The following NLGN1 variants were observed in gnomAD, a reference collection of about 807,000 sequenced individuals.
NLGN1 encodes neuroligin 1, also known as neuroligin-1.
Under a neutral mutation model 65.5 loss-of-function variants are expected in NLGN1, and 12 were observed. The observed-to-expected ratio is 0.18, with a 90% CI of 0.12 to 0.30. NLGN1 has a LOEUF of 0.30. Among genes scored for constraint, NLGN1 ranks in the 10% least tolerant of loss-of-function variants. The pLI is 1.00. For synonymous variants in NLGN1, 350 were observed against 359.5 expected, an observed-to-expected ratio of 0.97 and a Z score of 0.30; for missense variants, 750 against 1,007.1, an observed-to-expected ratio of 0.74 and a Z score of 3.46.
At chr3:174,269,431 G>T (rs1167060199) in intron 4 of NLGN1, among the ~76,000 whole-genome samples, 3 of 151,856 alleles carry the variant, frequency 2.0e-5, no homozygotes. Context: ...GAATCCTACA[G>T]TATTTGCTTT....
chr3:174,213,552 A>G (rs191697553), intron 4 of NLGN1, among the ~76,000 whole-genome samples: 1 of 152,356 alleles, frequency 6.6e-6, no homozygotes, highest in African/African-American at 2.4e-5. Flanking sequence ...TAATAAAACA[A>G]TAACCTTTGT....
chr3:174,261,984 A>G (rs944777473), intron 4 of NLGN1, among the ~76,000 whole-genome samples: 1 of 145,940 alleles, frequency 6.9e-6, no homozygotes, highest in Non-Finnish European at 1.5e-5. Flanking sequence ...GCTGGATTAC[A>G]TTTACTGATT....
At chr3:174,211,655 G>A (rs529821119) in intron 4 of NLGN1, among the ~76,000 whole-genome samples, 298 of 150,880 alleles carry the variant, frequency 2.0e-3, no homozygotes, top group Middle Eastern at 6.8e-3. Flanking sequence ...TAAACACAGG[G>A]TGCTGATTGG....
At chr3:173,855,476 A>G (rs891205655) in intron 4 of NLGN1, among the ~76,000 whole-genome samples, 6 of 150,274 alleles carry the variant, frequency 4.0e-5, no homozygotes, top group Non-Finnish European at 5.9e-5. Flanking sequence ...TTGGCAAAAA[A>G]GTTTTATTGC....
intron 4 of NLGN1, among the ~76,000 whole-genome samples, chr3:174,202,219 G>T (rs999431239): frequency 2.4e-4 from 37 of 152,202 alleles, no homozygotes; most frequent in Admixed American, 1.6e-3. Context: ...AAACCCTCTT[G>T]CCCAACTAAG....
rs181946293 is a variant in NLGN1, at chr3:174,221,138, T to C, written c.647-54177T>C. On this transcript the variant is annotated intron_variant, in intron 4 of 6. Coordinates refer to ENST00000457714, the Ensembl canonical transcript of NLGN1. Reference sequence around the variant, plus strand: ...TATTACTCCATTTTTCTGTCTGTGGTCCTCTGTTTTGCCAGCCCACCTTGA... The same window carrying C: ...TATTACTCCATTTTTCTGTCTGTGGCCCTCTGTTTTGCCAGCCCACCTTGA... Among the ~76,000 whole-genome samples, 75 of 152,044 alleles carry C rather than the reference T, an allele frequency of 4.9e-4. No homozygotes were observed. The East Asian group carries it at 0.012, about 24-fold the overall frequency.
chr3:173,793,552 A>G (rs1236613269), intron 3 of NLGN1, among the ~76,000 whole-genome samples: 1 of 152,156 alleles, frequency 6.6e-6, no homozygotes, highest in East Asian at 1.9e-4. Flanking sequence ...CAATTAAAAT[A>G]TGTTAATTCT....
At chr3:174,052,900 A>G (rs1735227164) in intron 4 of NLGN1, among the ~76,000 whole-genome samples, 1 of 152,054 alleles carries the variant, frequency 6.6e-6, no homozygotes, top group Admixed American at 6.6e-5. Flanking sequence ...GCAAGTAGCA[A>G]CAATGTTCTT....
intron 4 of NLGN1, among the ~76,000 whole-genome samples, chr3:173,875,085 T>C (rs866390746): frequency 2.6e-5 from 4 of 152,212 alleles, no homozygotes; most frequent in Non-Finnish European, 4.4e-5. Flanking sequence ...TTGTTACTCC[T>C]GTACCTGAGC....
intron 2 of NLGN1, among the ~76,000 whole-genome samples, chr3:173,511,697 GAAGTTTTTATTGTCATATCCTC>G (rs1733003203): frequency 6.6e-6 from 1 of 151,822 alleles, no homozygotes. Context: ...TTCAGGTTTG[GAAGTTTTTATTGTCATATCCTC>G]AAGCTCAGAG....
chr3:173,961,455 G>A (rs1713546586), intron 4 of NLGN1, among the ~76,000 whole-genome samples: 1 of 152,048 alleles, frequency 6.6e-6, no homozygotes, highest in Non-Finnish European at 1.5e-5. Context: ...TAAGAGTGCT[G>A]TGAAAATATT....
At chr3:173,532,278 T>C (rs1268611064) in intron 2 of NLGN1, among the ~76,000 whole-genome samples, 2 of 152,150 alleles carry the variant, frequency 1.3e-5, no homozygotes, top group Non-Finnish European at 2.9e-5. Flanking sequence ...TTGAGATACA[T>C]CTGTTAAAGA....
chr3:173,710,268 G>A (rs762788997), intron 3 of NLGN1, among the ~76,000 whole-genome samples: 3 of 151,920 alleles, frequency 2.0e-5, no homozygotes, highest in Non-Finnish European at 4.4e-5. Flanking sequence ...TAATTCTATG[G>A]GACATTTTAG....
At chr3:173,539,640 A>ATG (rs757003935) in intron 2 of NLGN1, among the ~76,000 whole-genome samples, 2 of 111,808 alleles carry the variant, frequency 1.8e-5, no homozygotes, top group Admixed American at 8.6e-5. Flanking sequence ...ATACACATAT[A>ATG]TACATATATA....
At chr3:173,927,335 A>G (rs1213615437) in intron 4 of NLGN1, among the ~76,000 whole-genome samples, 1 of 152,206 alleles carries the variant, frequency 6.6e-6, no homozygotes, top group Non-Finnish European at 1.5e-5. Context: ...ATGCTGGATT[A>G]CAGGCATGAG....
intron 4 of NLGN1, among the ~76,000 whole-genome samples, chr3:174,199,186 G>A (rs1033994082): frequency 1.3e-5 from 2 of 151,962 alleles, no homozygotes; most frequent in African/African-American, 2.4e-5. Context: ...AGCTTTTCTG[G>A]GAGTCAATCT....
At chr3:173,602,710 A>G (rs745496107) in intron 2 of NLGN1, among the ~76,000 whole-genome samples, 10 of 152,070 alleles carry the variant, frequency 6.6e-5, no homozygotes, top group Non-Finnish European at 1.5e-4. Context: ...AGACCTCACC[A>G]CAGGTTCTCT....
chr3:174,088,797 T>TAAAC (rs1743953892), intron 4 of NLGN1, among the ~76,000 whole-genome samples: 1 of 148,986 alleles, frequency 6.7e-6, no homozygotes, highest in Non-Finnish European at 1.5e-5. Flanking sequence ...AATAAATAAA[T>TAAAC]AAATAAATAA....
intron 4 of NLGN1, among the ~76,000 whole-genome samples, chr3:174,053,068 G>A (rs1370556323): frequency 6.6e-6 from 1 of 151,922 alleles, no homozygotes; most frequent in Non-Finnish European, 1.5e-5. Context: ...ACTTTACTTA[G>A]AGTTATCATA....
Sources: allele counts gnomAD v4.1 joint callset (sites outside exome capture counted in the v4.1 genomes callset), GRCh38; gene constraint gnomAD v4.1.1; transcripts MANE v1.5; gene names NCBI Gene and HGNC (gene_info 2026-07-23, HGNC 2026-07-21).